Variants in PAN3 observed in about 807,000 individuals in gnomAD.
The protein encoded by PAN3 is PAN2-PAN3 deadenylation complex subunit PAN3.
Under a neutral mutation model 96.2 loss-of-function variants are expected in PAN3, and 19 were observed. The observed-to-expected ratio is 0.20, with a 90% confidence interval of 0.14 to 0.29. PAN3 has a LOEUF of 0.29. Ranked by LOEUF, PAN3 falls within the 10% of genes least tolerant of loss-of-function variation. The probability of loss-of-function intolerance (pLI) is 1.00; values close to 1 mark genes in which losing one functional copy is unlikely to be tolerated. For missense variants in PAN3, 882 were observed against 1,108.1 expected (o/e 0.80, Z 2.90); for synonymous variants, 433 against 406.6 (o/e 1.06, Z -0.78).
At chr13:28,161,337 G>T (rs938451259) in intron 1 of PAN3, among the ~76,000 whole-genome samples, 3 of 152,006 alleles carry the variant, frequency 2.0e-5, no homozygotes, top group Non-Finnish European at 4.4e-5. Flanking sequence ...TTAGCTTTTG[G>T]TTTGCTGACA....
chr13:28,169,990 T>C (rs1357136419), intron 1 of PAN3, among the ~76,000 whole-genome samples: 1 of 152,104 alleles, frequency 6.6e-6, no homozygotes, highest in Non-Finnish European at 1.5e-5. Flanking sequence ...GAGTTTGCAG[T>C]GAGCTGAGAT....
intron 4 of PAN3, among the ~76,000 whole-genome samples, chr13:28,179,103 AT>A (rs1335143076): frequency 2.6e-5 from 4 of 152,230 alleles, no homozygotes; most frequent in African/African-American, 9.6e-5. Flanking sequence ...AGCAACTAGA[AT>A]TGATAGACTA....
intron 18 of PAN3, among the ~76,000 whole-genome samples, chr13:28,288,952 A>C (rs563716022): frequency 6.8e-6 from 1 of 148,062 alleles, no homozygotes; most frequent in Middle Eastern, 3.6e-3. Context: ...TCAGCCTCCC[A>C]AGTAGCTGGG....
chr13:28,171,528 T>C (rs1300443171), intron 1 of PAN3, among the ~76,000 whole-genome samples: 2 of 152,076 alleles, frequency 1.3e-5, no homozygotes, highest in Non-Finnish European at 2.9e-5. Context: ...AAATTGGGAG[T>C]TCCCACGACC....
At chr13:28,247,631 A>G (rs1047408473) in intron 6 of PAN3, among the ~76,000 whole-genome samples, 1 of 152,164 alleles carries the variant, frequency 6.6e-6, no homozygotes, top group Admixed American at 6.5e-5. Context: ...ATATAGCTTC[A>G]TTCTCTGCAT....
At chr13:28,142,262 T>C (rs115330228) in intron 1 of PAN3, among the ~76,000 whole-genome samples, 100 of 152,346 alleles carry the variant, frequency 6.6e-4, no homozygotes, top group African/African-American at 2.3e-3. Flanking sequence ...TTTACACTTA[T>C]TGTTCATTTT....
chr13:28,255,228 T>C (rs1265574708), intron 6 of PAN3, among the ~76,000 whole-genome samples: 1 of 152,160 alleles, frequency 6.6e-6, no homozygotes, highest in Non-Finnish European at 1.5e-5. Context: ...AAACAGTTCC[T>C]GGATAAGCTT....
chr13:28,247,917 T>C (rs1038778025), intron 6 of PAN3, among the ~76,000 whole-genome samples: 3 of 152,162 alleles, frequency 2.0e-5, no homozygotes, highest in Admixed American at 2.0e-4. Context: ...TTTTTTAGTT[T>C]CATATGAATT....
Position 28,233,784 on chromosome 13 carries a change from T to C in PAN3, c.1000+13406T>C, listed in dbSNP as rs532968701. ...CTGGCAAATATCAGGTTTATAGTCT[T>C]TCTAAAATCTAATCTCCCTGATGTT... On this transcript the variant is annotated intron_variant, in intron 6 of 18. Transcript: ENST00000380958. Among the ~76,000 whole-genome samples the C allele has an allele frequency of 9.8e-5, 15 of 152,316 alleles. No individual in the cohort carries two copies. The South Asian group carries it at 2.9e-3, about 29-fold the overall frequency.
At chr13:28,271,533 T>G (rs960379429) in intron 13 of PAN3, among the ~76,000 whole-genome samples, 1 of 152,218 alleles carries the variant, frequency 6.6e-6, no homozygotes, top group Non-Finnish European at 1.5e-5. Flanking sequence ...ATTAGACAAG[T>G]GTACTACTAA....
At chr13:28,249,119 G>T (rs1884475242) in intron 6 of PAN3, among the ~76,000 whole-genome samples, 1 of 152,038 alleles carries the variant, frequency 6.6e-6, no homozygotes, top group Non-Finnish European at 1.5e-5. Context: ...GGTTGCTTGT[G>T]CTTTACTTGT....
chr13:28,138,637 AGAC>A lies in PAN3; in HGVS notation c.-18_-16del. The A allele has an allele frequency of 2.0e-6, 1 of 505,592 alleles. No individual in the cohort carries two copies. Among genetic ancestry groups the A allele is most frequent in the East Asian group, 3.8e-5 (1 of 26,502 alleles). The allele number at this position is 505,592 out of a possible 1,614,324, so 31.3% of individuals were successfully genotyped here. On this transcript the variant is annotated 5_prime_UTR_variant, in exon 1 of 19. Coordinates refer to ENST00000380958, the MANE Select transcript of PAN3 (RefSeq NM_175854.8). Reference sequence around the variant, plus strand: ...CGGCGGCTCCTCGGGCGGCGGCGGAAGACGAGGCTGCGGCGTTGCCATGAACAG... The same window carrying A: ...CGGCGGCTCCTCGGGCGGCGGCGGAAGAGGCTGCGGCGTTGCCATGAACAG...
intron 5 of PAN3, among the ~76,000 whole-genome samples, chr13:28,206,522 A>G (rs1879384763): frequency 6.6e-6 from 1 of 151,722 alleles, no homozygotes; most frequent in African/African-American, 2.4e-5. Flanking sequence ...GGGTTTTGCC[A>G]TGTTGTCCAG....
chr13:28,177,108 TAATA>T (rs1040976968), intron 3 of PAN3, among the ~76,000 whole-genome samples: 5 of 152,110 alleles, frequency 3.3e-5, no homozygotes, highest in Non-Finnish European at 5.9e-5. Flanking sequence ...GTAATGAGAT[TAATA>T]AATAAAAAAT....
intron 6 of PAN3, among the ~76,000 whole-genome samples, chr13:28,241,746 G>A (rs1883684362): frequency 6.6e-6 from 1 of 152,236 alleles, no homozygotes; most frequent in Non-Finnish European, 1.5e-5. Context: ...GGGGAATTTG[G>A]TTAAAAATGA....
At chr13:28,223,949 A>G (rs1335545597) in intron 6 of PAN3, among the ~76,000 whole-genome samples, 3 of 138,588 alleles carry the variant, frequency 2.2e-5, no homozygotes, top group Non-Finnish European at 4.5e-5. Context: ...GCTCATTCCA[A>G]GCTCGGCCTG....
chr13:28,172,191 C>T (rs1874387139), intron 1 of PAN3, among the ~76,000 whole-genome samples: 1 of 152,166 alleles, frequency 6.6e-6, no homozygotes, highest in African/African-American at 2.4e-5. Flanking sequence ...CACGGTGGCT[C>T]ACGCCTGTAA....
chr13:28,272,102 G>A, intron 14 of PAN3, 31 bp downstream of exon 14: 1 of 1,407,198 alleles, frequency 7.1e-7, no homozygotes, highest in Non-Finnish European at 9.8e-7. Context: ...ATATTTACTT[G>A]TTTTCCTTTA....
intron 1 of PAN3, among the ~76,000 whole-genome samples, chr13:28,173,449 A>T (rs1874561210): frequency 6.6e-6 from 1 of 152,220 alleles, no homozygotes; most frequent in Non-Finnish European, 1.5e-5. Flanking sequence ...TAAATGCAGT[A>T]CATTTTCGTT....
Sources: allele counts gnomAD v4.1 joint callset (sites outside exome capture counted in the v4.1 genomes callset), GRCh38; gene constraint gnomAD v4.1.1; transcripts MANE v1.5; gene names NCBI Gene and HGNC (gene_info 2026-07-23, HGNC 2026-07-21).